Variants in ZSCAN12 observed in about 807,000 individuals in gnomAD.
ZSCAN12 encodes the protein zinc finger and SCAN domain-containing protein 12.
ZSCAN12 carries 18 observed loss-of-function variants against 23.4 expected under a neutral mutation model. The observed-to-expected ratio is 0.77, with a 90% CI of 0.53 to 1.14. The LOEUF (loss-of-function observed/expected upper bound fraction) is 1.14, where lower values mean the gene tolerates loss of function less well. Among genes scored for constraint, ZSCAN12 ranks in the 50% most tolerant of loss-of-function variants. The pLI, the probability that ZSCAN12 is intolerant of heterozygous loss-of-function variation, is 0.00. For synonymous variants in ZSCAN12, 186 were observed against 253.4 expected (o/e 0.73, Z 2.53); for missense variants, 650 against 735.0 (o/e 0.88, Z 1.34).
At position 28,392,562 on chromosome 6, in the gene ZSCAN12, T is replaced by G. The variant is rs1760900867; in HGVS notation, c.547+340A>C. Among the ~76,000 whole-genome samples the G allele has an allele frequency of 1.3e-5, 2 of 152,140 alleles. 1 individual carries two copies. The highest frequency in any genetic ancestry group is 4.1e-4 in the South Asian group (2 of 4,828). ...TTGCAGACATAATGGAGCAAAGGCT[T>G]ATTTAGTGAAGCAGAAAGGATATAG... On this transcript the variant is annotated intron_variant, in intron 3 of 3. Transcript: ENST00000684592.
chr6:28,390,291 G>C lies in ZSCAN12; in HGVS notation c.*163C>G, dbSNP rs549271552. 9.2e-5 allele frequency among the ~76,000 whole-genome samples: 14 copies of C among 152,246 alleles called. No homozygotes were observed. Among genetic ancestry groups the C allele is most frequent in the Non-Finnish European group, 1.5e-5 (1 of 68,016 alleles). ...GAAAAGAGTTTGGGGTTATCTTCTT[G>C]TTCTCCACAGCACGTAGTACAATGG... On this transcript the variant is annotated 3_prime_UTR_variant, in exon 4 of 4. Transcript: ENST00000684592.
rs1392366348 is a variant in ZSCAN12, at chr6:28,398,146, T to C, written c.260A>G (p.Glu87Gly). ...CAGGAACTGCTCCAGCACCAGCAGC[T>C]CCAGAATCTGTTCTTTGGTGTGGGT... ...PETHTKEQIL[E>G]LLVLEQFLTI... Residue 87 changes from glutamate (E) to glycine (G), a missense_variant, in exon 2 of 4, where the codon GAG (glutamate) becomes GGG (glycine). Transcript: ENST00000684592. 1.2e-6 allele frequency: 2 copies of C among 1,613,892 alleles called. No homozygotes were observed. The highest frequency in any genetic ancestry group is 1.3e-5 in the African/African-American group (1 of 74,876).
chr6:28,399,098 A>T (rs1297992345), intron 1 of ZSCAN12, among the ~76,000 whole-genome samples: 1 of 152,256 alleles, frequency 6.6e-6, no homozygotes, highest in Non-Finnish European at 1.5e-5. Flanking sequence ...AAATAATAAT[A>T]ACAAAAGGTT....
chr6:28,382,715 AG>A, downstream of ZSCAN12: 2 of 1,433,584 alleles, frequency 1.4e-6, no homozygotes, highest in Non-Finnish European at 1.8e-6. Context: ...GAACTCTGTC[AG>A]GAAGGTAAAT....
rs766842239 is a variant in ZSCAN12, at chr6:28,387,913, T to C, written c.*2541A>G. Among the ~76,000 whole-genome samples, 34 of 152,210 alleles carry C rather than the reference T, an allele frequency of 2.2e-4. No homozygotes were observed. The highest frequency in any genetic ancestry group is 4.3e-4 in the Non-Finnish European group (29 of 68,040). ...TTTGTACTGACTTAAGATGGTACTT[T>C]AGGACAGTAGTCTACCATCGTCTCA... On this transcript the variant is annotated 3_prime_UTR_variant, in exon 4 of 4. Transcript: ENST00000684592.
rs1017233590 is a variant in ZSCAN12 at position 28,390,791 on chromosome 6, T to C, written c.1499A>G (p.Asp500Gly). Residue 500 changes from aspartate (D) to glycine (G), a missense_variant, in exon 4 of 4, where the codon GAT becomes GGT. Coordinates refer to ENST00000684592, the MANE Select transcript of ZSCAN12 (RefSeq NM_001163391.2). ...TTGAGTAAACGCCTTCCCACACTTA[T>C]CACATTTATAGGGTCTTTCTCCAGT... is the stretch of plus-strand genomic sequence containing the variant. ...IHTGERPYKCDKCGKAFTQRS... is the reference protein window; with the variant it reads ...IHTGERPYKCGKCGKAFTQRS... 16 of 1,602,354 alleles carry C rather than the reference T, an allele frequency of 1.0e-5. No individual in the cohort carries two copies. In the Middle Eastern group the frequency reaches 4.9e-4, roughly 49 times the overall value.
At chr6:28,382,247 A>G (rs956066281), downstream of ZSCAN12, 1 of 407,468 alleles carries the variant, frequency 2.5e-6, no homozygotes, top group Admixed American at 4.4e-5. Flanking sequence ...CTGCTTCATA[A>G]TATGTATTTC....
chr6:28,396,019 A>T (rs1405478236), intron 2 of ZSCAN12, among the ~76,000 whole-genome samples: 9 of 132,148 alleles, frequency 6.8e-5, no homozygotes, highest in South Asian at 2.4e-4. Context: ...GTGTTTGTTG[A>T]TTTTTTTTTT....
chr6:28,399,395 C>T (rs929589268), intron 1 of ZSCAN12, among the ~76,000 whole-genome samples: 6 of 152,224 alleles, frequency 3.9e-5, no homozygotes, highest in African/African-American at 1.4e-4. Flanking sequence ...TGTCGGTAAG[C>T]GCTGAACCCA....
chr6:28,390,485 A>G lies in ZSCAN12; in HGVS notation c.1805T>C (p.Ile602Thr). Reference sequence around the variant, plus strand: ...AGAAACAGATTTTTCTCCTTTGTGGATAGTCTGATGTTGAGTAAGAGCTGA... The same window carrying G: ...AGAAACAGATTTTTCTCCTTTGTGGGTAGTCTGATGTTGAGTAAGAGCTGA... ...QNSALTQHQT[I>T]HKGEKSVSV Residue 602 changes from isoleucine to threonine, a missense_variant, in exon 4 of 4, where the codon ATC (isoleucine) becomes ACC (threonine). By Grantham distance (89) the Ile-to-Thr change is moderately conservative. Transcript: ENST00000684592. 1 of 1,548,202 alleles carries G rather than the reference A, an allele frequency of 6.5e-7. No homozygotes were observed. The highest frequency in any genetic ancestry group is 8.7e-7 in the Non-Finnish European group (1 of 1,145,596).
At chr6:28,381,816 G>C (rs1760258228), downstream of ZSCAN12, 1 of 152,152 alleles carries the variant, frequency 6.6e-6, no homozygotes, top group Non-Finnish European at 1.5e-5. Flanking sequence ...ATATCATTTA[G>C]CCTGAGACCT....
Position 28,391,225 on chromosome 6 carries a change from T to C in ZSCAN12, c.1065A>G (p.Glu355=). The change falls in exon 4 of 4, where the codon GAA becomes GAG. Residue 355 remains glutamate, a synonymous_variant. Transcript: ENST00000684592. The surrounding 1 kb of genome is among the most constrained non-coding windows in gnomAD (Gnocchi z 4.1). Reference sequence around the variant, plus strand: ...CACAGTCATTACAGTGATAGTGTTTTTCTCCTGTGTGAAGTCTCTGATGTT... The same window carrying C: ...CACAGTCATTACAGTGATAGTGTTTCTCTCCTGTGTGAAGTCTCTGATGTT... ...LNQHQRLHTG[E]KHYHCNDCGK... 2 of 1,551,896 alleles carry C rather than the reference T, an allele frequency of 1.3e-6. No homozygotes were observed. Among genetic ancestry groups the C allele is most frequent in the Non-Finnish European group, 1.7e-6 (2 of 1,147,036 alleles).
intron 2 of ZSCAN12, among the ~76,000 whole-genome samples, chr6:28,393,736 CA>C (rs60481063): frequency 0.059 from 5,306 of 90,670 alleles, 161 homozygotes; most frequent in African/African-American, 0.14. Context: ...ACTGTAGCTC[CA>C]AAAAAAAAAA....
At chr6:28,396,275 C>CA (rs1761103553) in intron 2 of ZSCAN12, among the ~76,000 whole-genome samples, 1 of 151,838 alleles carries the variant, frequency 6.6e-6, no homozygotes, top group African/African-American at 2.4e-5. Flanking sequence ...CCAGAACCTA[C>CA]ATGAGAGCAG....
intron 2 of ZSCAN12, among the ~76,000 whole-genome samples, chr6:28,393,893 T>C (rs1286732702): frequency 6.6e-6 from 1 of 152,182 alleles, no homozygotes; most frequent in African/African-American, 2.4e-5. Context: ...GGGAAGATTA[T>C]CTTATTTTCT....
At chr6:28,380,453 A>G (rs1760175548), downstream of ZSCAN12, 2 of 152,322 alleles carry the variant, frequency 1.3e-5, no homozygotes, top group Non-Finnish European at 1.5e-5. Flanking sequence ...CATTCTTTAT[A>G]CGAGTTTGTA....
chr6:28,381,416 C>T (rs559566674), downstream of ZSCAN12: 4 of 152,210 alleles, frequency 2.6e-5, no homozygotes, highest in East Asian at 7.7e-4. Flanking sequence ...AATCAATAAA[C>T]TGGAAAATTA....
chr6:28,392,049 T>G (rs1760867953), intron 3 of ZSCAN12, among the ~76,000 whole-genome samples: 1 of 152,194 alleles, frequency 6.6e-6, no homozygotes. Context: ...TTGAGCCATG[T>G]ACATTTTTAC....
Position 28,390,604 on chromosome 6 carries a change from G to C in ZSCAN12, c.1686C>G (p.Phe562Leu). 6.2e-7 allele frequency: 1 copy of C among 1,609,680 alleles called. No individual in the cohort carries two copies. The highest frequency in any genetic ancestry group is 1.7e-5 in the Admixed American group (1 of 59,138). The part of the protein sequence containing the change: ...PYQCDECGKA[F>L]RQRSDLSKHQ... ...GTTTACTAAGATCTGACCTCTGTCTGAAGGCTTTTCCACACTCATCACATT... is the reference window on the plus strand; with the variant it reads ...GTTTACTAAGATCTGACCTCTGTCTCAAGGCTTTTCCACACTCATCACATT... The change falls in exon 4 of 4, where the codon TTC becomes TTG. Residue 562 changes from phenylalanine (F) to leucine (L), a missense_variant. Physicochemically the swap from Phe to Leu is conservative, Grantham distance 22. Coordinates refer to ENST00000684592, the MANE Select transcript of ZSCAN12 (RefSeq NM_001163391.2).
Sources: allele counts gnomAD v4.1 joint callset (sites outside exome capture counted in the v4.1 genomes callset), GRCh38; gene constraint gnomAD v4.1.1; non-coding constraint Gnocchi (gnomAD v3.1); transcripts MANE v1.5; gene names NCBI Gene and HGNC (gene_info 2026-07-23, HGNC 2026-07-21).